ACTR3C: variants seen among roughly 807,000 people sequenced by gnomAD.
The protein encoded by ACTR3C is actin related protein 3C.
A neutral mutation model predicts 26.3 loss-of-function variants in ACTR3C; 18 were observed. The ratio of observed to expected loss-of-function variants is 0.68; its 90% confidence interval spans 0.47 to 1.01. The LOEUF is 1.01. ACTR3C is among the 50% of genes least tolerant of loss of function. The pLI is 0.00. For missense variants in ACTR3C, 184 were observed against 250.7 expected (o/e 0.73, Z 1.80); for synonymous variants, 55 against 94.5 (o/e 0.58, Z 2.42).
At chr7:150,049,312 C>A in the ACTR3C span, among the ~76,000 whole-genome samples, 4 of 152,134 alleles carry the variant, frequency 2.6e-5, no homozygotes, top group Non-Finnish European at 4.4e-5. Flanking sequence ...CCACGTCCTC[C>A]TTGCGCGCCC....
chr7:150,259,725 G>T (rs79145971), intron 6 of ACTR3C, among the ~76,000 whole-genome samples: 4,236 of 152,248 alleles, frequency 0.028, 98 homozygotes, highest in East Asian at 0.11. Context: ...GATCTAAGCA[G>T]CTGGAATACT....
the ACTR3C span, among the ~76,000 whole-genome samples, chr7:150,009,980 T>A: frequency 1.3e-5 from 2 of 152,250 alleles, no homozygotes; most frequent in Non-Finnish European, 2.9e-5. Context: ...CAATTTAAAC[T>A]CTTCAGTGCC....
chr7:150,097,580 T>C, the ACTR3C span, among the ~76,000 whole-genome samples: 5 of 151,732 alleles, frequency 3.3e-5, no homozygotes, highest in African/African-American at 9.7e-5. Flanking sequence ...GTCTCAAAAT[T>C]AAGCAAGGCC....
the ACTR3C span, among the ~76,000 whole-genome samples, chr7:149,933,650 GACTCAACACTAGCAACAC>G: frequency 6.6e-6 from 1 of 152,158 alleles, no homozygotes; most frequent in Non-Finnish European, 1.5e-5. Context: ...TGTCCAGCTC[GACTCAACACTAGCAACAC>G]ACAGAGTCTG....
At chr7:150,113,152 A>G in the ACTR3C span, among the ~76,000 whole-genome samples, 1 of 150,960 alleles carries the variant, frequency 6.6e-6, no homozygotes, top group Non-Finnish European at 1.5e-5. Context: ...GACCCTAGTT[A>G]TGGTCAGCAT....
chr7:149,898,316 C>A, the ACTR3C span, among the ~76,000 whole-genome samples: 1 of 152,232 alleles, frequency 6.6e-6, no homozygotes, highest in Non-Finnish European at 1.5e-5. Flanking sequence ...AGGGCCACTG[C>A]CAATGTGCCA....
intron 1 of ACTR3C, among the ~76,000 whole-genome samples, chr7:150,315,361 C>G (rs1174533606): frequency 1.3e-5 from 2 of 152,004 alleles, no homozygotes; most frequent in South Asian, 2.1e-4. Context: ...AATCCATATA[C>G]CTGGAAGAGG....
chr7:149,988,723 TC>T, the ACTR3C span, among the ~76,000 whole-genome samples: 2 of 152,132 alleles, frequency 1.3e-5, no homozygotes, highest in Non-Finnish European at 2.9e-5. Context: ...AGTTAATGCA[TC>T]ATCCTTTGGC....
At chr7:150,176,989 T>C in the ACTR3C span, among the ~76,000 whole-genome samples, 2 of 150,762 alleles carry the variant, frequency 1.3e-5, no homozygotes, top group East Asian at 3.8e-4. Context: ...TCAACACAAA[T>C]TCTCTAGATG....
At chr7:150,038,800 G>A in the ACTR3C span, among the ~76,000 whole-genome samples, 1 of 143,476 alleles carries the variant, frequency 7.0e-6, no homozygotes, top group African/African-American at 2.7e-5. Context: ...CCGCCTCGCG[G>A]GGGGTGCCTC....
intron 6 of ACTR3C, among the ~76,000 whole-genome samples, chr7:150,271,484 CT>C (rs1239418389): frequency 6.6e-6 from 1 of 151,028 alleles, no homozygotes; most frequent in African/African-American, 2.5e-5. Context: ...TGGTTTCCAG[CT>C]TCATCCATGT....
At chr7:149,943,935 T>A in the ACTR3C span, among the ~76,000 whole-genome samples, 1 of 143,510 alleles carries the variant, frequency 7.0e-6, no homozygotes, top group African/African-American at 2.9e-5. Context: ...ACTGAAAACT[T>A]AGCTTGGCTT....
At chr7:150,006,193 T>TATTTATTTATTTATTTATTTATTTA in the ACTR3C span, among the ~76,000 whole-genome samples, 3,587 of 148,796 alleles carry the variant, frequency 0.024, 73 homozygotes, top group Non-Finnish European at 0.038. Flanking sequence ...AGAATTTATT[T>TATTTATTTATTTATTTATTTATTTA]ATTTATTTAT....
intron 1 of ACTR3C, among the ~76,000 whole-genome samples, chr7:150,321,811 TCCCAGCTGTAGC>T (rs2129617785): frequency 6.6e-6 from 1 of 152,200 alleles, no homozygotes; most frequent in South Asian, 2.1e-4. Flanking sequence ...TGGGCAGGGG[TCCCAGCTGTAGC>T]CCAAGCTGGA....
the ACTR3C span, among the ~76,000 whole-genome samples, chr7:149,968,948 C>T: frequency 3.0e-4 from 46 of 151,978 alleles, no homozygotes; most frequent in African/African-American, 1.1e-3. Context: ...CTTCCACCGT[C>T]ATTGCTACTG....
At chr7:150,105,269 A>T in the ACTR3C span, among the ~76,000 whole-genome samples, 1 of 151,814 alleles carries the variant, frequency 6.6e-6, no homozygotes, top group African/African-American at 2.4e-5. Flanking sequence ...TTTTTAGTAG[A>T]GACGGGGTTT....
chr7:150,176,351 C>T, the ACTR3C span, among the ~76,000 whole-genome samples: 2 of 150,658 alleles, frequency 1.3e-5, no homozygotes, highest in African/African-American at 2.5e-5. Context: ...TCACCAGACA[C>T]CTTTGTTATG....
the ACTR3C span, among the ~76,000 whole-genome samples, chr7:149,968,851 G>C: frequency 0.016 from 2,368 of 151,466 alleles, 50 homozygotes; most frequent in African/African-American, 0.054. Flanking sequence ...GTGCCTGTTG[G>C]GGGTAAGGTA....
chr7:150,082,934 CTTTTTTTT>C, the ACTR3C span, among the ~76,000 whole-genome samples: 1 of 104,958 alleles, frequency 9.5e-6, no homozygotes, highest in South Asian at 3.4e-4. Context: ...TCTTTTTTTT[CTTTTTTTT>C]TTTTCTTTTT....
Sources: allele counts gnomAD v4.1 joint callset (sites outside exome capture counted in the v4.1 genomes callset), GRCh38; gene constraint gnomAD v4.1.1; transcripts MANE v1.5; gene names NCBI Gene and HGNC (gene_info 2026-07-23, HGNC 2026-07-21).